ENTREP2: variants seen among roughly 807,000 people sequenced by gnomAD.
ENTREP2 encodes the protein endosomal transmembrane epsin interactor 2.
the ENTREP2 span, among the ~76,000 whole-genome samples, chr15:29,456,369 G>T: frequency 2.2e-4 from 34 of 152,322 alleles, no homozygotes; most frequent in Non-Finnish European, 4.0e-4. Context: ...TAGTGAAGTT[G>T]CTGGGGCAGG....
chr15:29,207,998 C>T, the ENTREP2 span, among the ~76,000 whole-genome samples: 1,236 of 152,320 alleles, frequency 8.1e-3, 16 homozygotes, highest in African/African-American at 0.028. Flanking sequence ...CAAACCCCCA[C>T]GCTGGCCCCT....
the ENTREP2 span, among the ~76,000 whole-genome samples, chr15:29,294,517 G>C: frequency 3.3e-5 from 5 of 152,302 alleles, no homozygotes; most frequent in African/African-American, 4.8e-5. Flanking sequence ...TTTGCTACAG[G>C]ACCAAGTCCA....
the ENTREP2 span, among the ~76,000 whole-genome samples, chr15:29,285,855 G>A: frequency 6.6e-6 from 1 of 152,150 alleles, no homozygotes; most frequent in African/African-American, 2.4e-5. Flanking sequence ...GCTTGAGCAA[G>A]CTGAGTTCAG....
the ENTREP2 span, among the ~76,000 whole-genome samples, chr15:29,247,676 A>G: frequency 1.3e-5 from 2 of 152,170 alleles, no homozygotes; most frequent in African/African-American, 4.8e-5. Context: ...CCCAGCATAC[A>G]TGTCCAGCTT....
chr15:29,214,238 A>T, the ENTREP2 span, among the ~76,000 whole-genome samples: 2 of 152,234 alleles, frequency 1.3e-5, no homozygotes, highest in South Asian at 2.1e-4. Flanking sequence ...ACACATGCAC[A>T]CATATGTTTA....
chr15:29,313,496 T>C, the ENTREP2 span, among the ~76,000 whole-genome samples: 2 of 152,196 alleles, frequency 1.3e-5, no homozygotes, highest in Admixed American at 1.3e-4. Context: ...GCTAAATCTA[T>C]TTCACCTGTG....
chr15:29,547,823 G>C, the ENTREP2 span, among the ~76,000 whole-genome samples: 4 of 152,216 alleles, frequency 2.6e-5, no homozygotes, highest in Non-Finnish European at 1.5e-5. Flanking sequence ...CAATAGCCAA[G>C]AGGTGGAAGC....
chr15:29,504,362 T>G, the ENTREP2 span, among the ~76,000 whole-genome samples: 1 of 152,192 alleles, frequency 6.6e-6, no homozygotes, highest in Admixed American at 6.6e-5. Flanking sequence ...CAATACCAAC[T>G]GTGAAAAGCA....
At chr15:29,347,568 G>A in the ENTREP2 span, among the ~76,000 whole-genome samples, 5 of 152,074 alleles carry the variant, frequency 3.3e-5, no homozygotes, top group Admixed American at 6.5e-5. Context: ...GTCACAAAGA[G>A]ACTTAGGACT....
chr15:29,664,463 T>TA, the ENTREP2 span, among the ~76,000 whole-genome samples: 3 of 151,794 alleles, frequency 2.0e-5, no homozygotes, highest in Admixed American at 6.6e-5. Context: ...TTTTTTTTTT[T>TA]AGCGCTCCTG....
the ENTREP2 span, among the ~76,000 whole-genome samples, chr15:29,651,966 G>C: frequency 6.6e-6 from 1 of 152,312 alleles, no homozygotes; most frequent in Admixed American, 6.5e-5. Context: ...AAGCCTGGGG[G>C]CCAGGCCGCC....
chr15:29,426,882 A>G, the ENTREP2 span, among the ~76,000 whole-genome samples: 108,717 of 152,046 alleles, frequency 0.72, 39,103 homozygotes, highest in South Asian at 0.86. Flanking sequence ...TGTGATGCCC[A>G]AAGCTTGGGG....
chr15:29,198,016 T>A, the ENTREP2 span, among the ~76,000 whole-genome samples: 1 of 152,152 alleles, frequency 6.6e-6, no homozygotes. Flanking sequence ...TATCAACATG[T>A]CCGCCTCTCC....
At chr15:29,629,058 T>C in the ENTREP2 span, among the ~76,000 whole-genome samples, 2 of 152,130 alleles carry the variant, frequency 1.3e-5, no homozygotes, top group East Asian at 3.8e-4. Flanking sequence ...CCAGGTTGCA[T>C]CTTTTTATCA....
the ENTREP2 span, among the ~76,000 whole-genome samples, chr15:29,434,980 G>C: frequency 2.6e-5 from 4 of 152,152 alleles, no homozygotes; most frequent in African/African-American, 7.2e-5. Context: ...GATCCAGGTT[G>C]AGAAACTGCT....
chr15:29,613,452 G>T, the ENTREP2 span: 1 of 446,042 alleles, frequency 2.2e-6, no homozygotes, highest in East Asian at 6.8e-5. Context: ...TGAGGGCACA[G>T]GCTCTGGAAT....
At chr15:29,531,302 C>T in the ENTREP2 span, among the ~76,000 whole-genome samples, 4 of 152,182 alleles carry the variant, frequency 2.6e-5, no homozygotes, top group South Asian at 8.3e-4. Flanking sequence ...ATTCATTTTA[C>T]CAGGGCTCTT....
At chr15:29,143,497 T>C in the ENTREP2 span, among the ~76,000 whole-genome samples, 2 of 152,142 alleles carry the variant, frequency 1.3e-5, no homozygotes, top group African/African-American at 4.8e-5. Flanking sequence ...GGTCAGGGCA[T>C]GGCTGTCATC....
the ENTREP2 span, among the ~76,000 whole-genome samples, chr15:29,401,800 A>G: frequency 6.6e-6 from 1 of 152,216 alleles, no homozygotes; most frequent in Non-Finnish European, 1.5e-5. Context: ...TGTGCATTAT[A>G]AAGTTTGAGG....
Sources: gnomAD v4.1 joint callset for allele counts (sites outside exome capture counted in the v4.1 genomes callset) on GRCh38, gnomAD v4.1.1 for gene constraint, MANE v1.5 for transcripts, NCBI Gene and HGNC (gene_info 2026-07-23, HGNC 2026-07-21) for gene names.